Variants in SYNPO observed in about 807,000 individuals in gnomAD.
The protein encoded by SYNPO is synaptopodin.
In SYNPO, 19 loss-of-function variants were observed where a neutral mutation model predicts 49.5. That is an observed-to-expected ratio of 0.38 (90% CI 0.27 to 0.56). SYNPO has a LOEUF of 0.56. SYNPO is among the 20% of genes least tolerant of loss of function. SYNPO has a pLI of 0.68. For synonymous variants in SYNPO, 536 were observed against 548.0 expected (o/e 0.98, Z 0.31); for missense variants, 1,131 against 1,248.3 (o/e 0.91, Z 1.42).
intron 1 of SYNPO, among the ~76,000 whole-genome samples, chr5:150,616,250 C>T (rs756211999): frequency 5.3e-5 from 8 of 152,134 alleles, no homozygotes; most frequent in Non-Finnish European, 1.0e-4. Context: ...TGCTTGGGGG[C>T]GGAGGCGTGA....
chr5:150,587,144 A>T, the SYNPO span, among the ~76,000 whole-genome samples: 1 of 152,212 alleles, frequency 6.6e-6, no homozygotes, highest in African/African-American at 2.4e-5. Context: ...GGATGTATGG[A>T]TGGATATAGG....
upstream of SYNPO, among the ~76,000 whole-genome samples, chr5:150,639,404 G>A (rs540052701): frequency 6.6e-5 from 10 of 152,364 alleles, no homozygotes; most frequent in South Asian, 2.1e-3. Flanking sequence ...AGGTTGAACA[G>A]GGGAGGAGCA....
chr5:150,633,355 A>G (rs17111261), intron 2 of SYNPO, among the ~76,000 whole-genome samples: 53,402 of 152,148 alleles, frequency 0.35, 9,731 homozygotes, highest in Admixed American at 0.41. Flanking sequence ...TTGAACTCAG[A>G]TTAGTTAGAA....
rs764572538 is a variant in SYNPO, at chr5:150,649,227, C to T, written c.952C>T (p.Pro318Ser). Reference sequence around the variant, plus strand: ...ACGCCCCTTGGGGAACTTCACTGCACCCCCCACCTACACTGAGACCTTGTC... The same window carrying T: ...ACGCCCCTTGGGGAACTTCACTGCATCCCCCACCTACACTGAGACCTTGTC... ...ERRPLGNFTA[P>S]PTYTETLSTA... is the part of the protein sequence containing the mutation. The change falls in exon 2 of 3, where the codon CCC (proline) becomes TCC (serine). Residue 318 changes from proline to serine, a missense_variant. Physicochemically the swap from Pro to Ser is moderately conservative, Grantham distance 74 (BLOSUM62 -1). This residue lies in a region of SYNPO where 602 missense variants were observed against 720.7 expected (regional missense o/e 0.84). Coordinates refer to ENST00000307662, the MANE Select transcript of SYNPO (RefSeq NM_007286.6). 3.1e-6 allele frequency: 5 copies of T among 1,613,982 alleles called. No homozygotes were observed. The South Asian group carries it at 4.4e-5, about 14-fold the overall frequency.
chr5:150,631,243 G>T (rs1189116923), intron 2 of SYNPO, among the ~76,000 whole-genome samples: 1 of 152,226 alleles, frequency 6.6e-6, no homozygotes, highest in East Asian at 1.9e-4. Flanking sequence ...GCAGACTGAC[G>T]TGAAAACAAA....
At chr5:150,587,656 A>T in the SYNPO span, among the ~76,000 whole-genome samples, 1 of 152,218 alleles carries the variant, frequency 6.6e-6, no homozygotes, top group Non-Finnish European at 1.5e-5. Flanking sequence ...CATTATAATT[A>T]GAAGGGACAA....
chr5:150,596,686 A>G (rs1022261881), upstream of SYNPO, among the ~76,000 whole-genome samples: 1 of 152,094 alleles, frequency 6.6e-6, no homozygotes, highest in Non-Finnish European at 1.5e-5. Flanking sequence ...CCCCTCCCAC[A>G]GCCCAGGGTA....
At chr5:150,650,815 CG>C in intron 2 of SYNPO, 1 of 1,280,862 alleles carries the variant, frequency 7.8e-7, no homozygotes, top group Non-Finnish European at 9.9e-7. Context: ...AAGCTCCTGG[CG>C]TCTTTCTTCC....
At chr5:150,586,517 G>T in the SYNPO span, among the ~76,000 whole-genome samples, 1 of 152,200 alleles carries the variant, frequency 6.6e-6, no homozygotes, top group South Asian at 2.1e-4. Flanking sequence ...CTTTTCCTAT[G>T]CTGGGTAGGT....
At chr5:150,656,159 A>C (rs143780960) in intron 2 of SYNPO, among the ~76,000 whole-genome samples, 1 of 152,348 alleles carries the variant, frequency 6.6e-6, no homozygotes, top group Non-Finnish European at 1.5e-5. Flanking sequence ...TCAGTTAGTA[A>C]GTTAAGGCGG....
exon 2 of SYNPO, chr5:150,618,171 G>T: frequency 1.6e-6 from 1 of 630,428 alleles, no homozygotes. Flanking sequence ...CACTCCACTA[G>T]CCCAGGAAGG....
chr5:150,615,180 C>T (rs1319270944), intron 1 of SYNPO: 1 of 152,270 alleles, frequency 6.6e-6, no homozygotes, highest in African/African-American at 2.4e-5. Flanking sequence ...AGCTCCCCGA[C>T]TGGGTTGGGA....
At chr5:150,618,319 C>A in exon 2 of SYNPO, 1 of 1,497,290 alleles carries the variant, frequency 6.7e-7, no homozygotes, top group Non-Finnish European at 8.9e-7. Flanking sequence ...CAGGCCCTGG[C>A]CCAGGCCCAG....
At position 150,602,344 on chromosome 5, in the gene SYNPO, T is replaced by A. The variant is rs1478625276; in HGVS notation, c.-266+1156T>A. Among the ~76,000 whole-genome samples the A allele has an allele frequency of 2.0e-5, 3 of 152,304 alleles. No individual in the cohort carries two copies. In the East Asian group the frequency reaches 5.8e-4, roughly 29 times the overall value. ...ATGGCAGAGTTGGGCCAGGATAGTG[T>A]TTTCCAAAGTCTGGTGTGTGCACCT... On this transcript the variant is annotated intron_variant, in intron 1 of 2. Coordinates refer to the SYNPO transcript ENST00000394243.
intron 1 of SYNPO, among the ~76,000 whole-genome samples, chr5:150,604,507 A>G (rs1282996495): frequency 6.6e-6 from 1 of 152,186 alleles, no homozygotes; most frequent in African/African-American, 2.4e-5. Context: ...GGAAGTGGCA[A>G]CAATGCAGTT....
intron 1 of SYNPO, among the ~76,000 whole-genome samples, chr5:150,617,301 C>CT (rs1481719545): frequency 1.2e-4 from 17 of 146,548 alleles, no homozygotes; most frequent in African/African-American, 4.3e-4. Context: ...GCACCATCTT[C>CT]TTTTGTTTTT....
rs190258961 is a variant in SYNPO, at chr5:150,602,770, G to A, written c.-266+1582G>A. Among the ~76,000 whole-genome samples, 25 of 152,128 alleles carry A rather than the reference G, an allele frequency of 1.6e-4. No homozygotes were observed. In the East Asian group the frequency reaches 4.3e-3, roughly 26 times the overall value. On this transcript the variant is annotated intron_variant, in intron 1 of 2. Transcript: ENST00000394243. Reference sequence around the variant, plus strand: ...TGCTCAGGCTGGTCTCAAACACCTGGCCACAAGCGATCCTTCCCTCATGGC... The same window carrying A: ...TGCTCAGGCTGGTCTCAAACACCTGACCACAAGCGATCCTTCCCTCATGGC...
upstream of SYNPO, among the ~76,000 whole-genome samples, chr5:150,597,736 T>G (rs557972378): frequency 8.5e-5 from 13 of 152,262 alleles, no homozygotes; most frequent in Middle Eastern, 3.4e-3. Context: ...CTTCCCGGGT[T>G]CAAGTGATTC....
chr5:150,590,018 G>A, the SYNPO span, among the ~76,000 whole-genome samples: 1 of 152,248 alleles, frequency 6.6e-6, no homozygotes, highest in East Asian at 1.9e-4. Flanking sequence ...TGCAAGGAAC[G>A]AAGTTCAGCC....
Sources: gnomAD v4.1 joint callset for allele counts (sites outside exome capture counted in the v4.1 genomes callset) on GRCh38, gnomAD v4.1.1 for gene constraint, gnomAD v4.1.1 regional missense constraint, MANE v1.5 for transcripts, NCBI Gene and HGNC (gene_info 2026-07-23, HGNC 2026-07-21) for gene names.